The following DYNC1H1 variants were observed in gnomAD, a reference collection of about 807,000 sequenced individuals.
DYNC1H1 encodes cytoplasmic dynein 1 heavy chain 1.
A neutral mutation model predicts 527.1 loss-of-function variants in DYNC1H1; 51 were observed. That is an observed-to-expected ratio of 0.10 (90% CI 0.08 to 0.12). The LOEUF (loss-of-function observed/expected upper bound fraction) is 0.12, where lower values mean the gene tolerates loss of function less well. DYNC1H1 is among the 10% of genes least tolerant of loss of function. DYNC1H1 has a pLI of 1.00. For synonymous variants in DYNC1H1, 2,189 were observed against 2,278.8 expected (o/e 0.96, Z 1.12); for missense variants, 2,771 against 5,971.8 (o/e 0.46, Z 17.66).
rs995585686 is a variant in DYNC1H1 at position 102,019,949 on chromosome 14, T to A, written c.8400T>A (p.Thr2800=). 1 of 1,614,168 alleles carries A rather than the reference T, an allele frequency of 6.2e-7. No individual in the cohort carries two copies. The part of the protein sequence containing the change: ...PHYIYSPREM[T]RWVRGIFEAL... ...ATATCTATTCACCCCGTGAAATGAC[T>A]AGGTGGGTGAGAGGCATCTTTGAAG... is the stretch of plus-strand genomic sequence containing the variant. Residue 2800 remains threonine (T), a synonymous_variant, in exon 42 of 78, where the codon ACT becomes ACA. Coordinates refer to ENST00000360184, the MANE Select transcript of DYNC1H1 (RefSeq NM_001376.5).
At chr14:101,970,470 G>GTTTTTTTTTTTTTTTT (rs1324948272) in intron 1 of DYNC1H1, among the ~76,000 whole-genome samples, 1 of 96,276 alleles carries the variant, frequency 1.0e-5, no homozygotes, top group African/African-American at 4.8e-5. Flanking sequence ...TTGGTTTGTT[G>GTTTTTTTTTTTTTTTT]TTGTTTTTTT....
chr14:102,040,135 G>A, intron 62 of DYNC1H1, 101 bp from the exon 63 acceptor site: 1 of 1,518,304 alleles, frequency 6.6e-7, no homozygotes, highest in Non-Finnish European at 9.1e-7. Context: ...CTGAGCCACT[G>A]TGCCCGGCCT....
intron 11 of DYNC1H1, 30 bp from the exon 12 acceptor site, chr14:101,994,154 C>T: frequency 1.2e-6 from 2 of 1,614,104 alleles, no homozygotes; most frequent in Non-Finnish European, 1.7e-6. Flanking sequence ...ATATACACTG[C>T]TTGCATTCAT....
chr14:101,968,728 A>G (rs867271438), intron 1 of DYNC1H1, among the ~76,000 whole-genome samples: 59 of 148,710 alleles, frequency 4.0e-4, no homozygotes, highest in African/African-American at 1.0e-3. Context: ...CGCCTGGCTC[A>G]TTGTTGTATT....
chr14:102,048,077 G>A (rs773426034), intron 73 of DYNC1H1, 49 bp downstream of exon 73: 2 of 1,571,274 alleles, frequency 1.3e-6, no homozygotes, highest in Non-Finnish European at 1.7e-6. Context: ...CCCAGGTGCT[G>A]GGTATGGTCA....
chr14:102,017,503 A>G lies in DYNC1H1; in HGVS notation c.8176A>G (p.Arg2726Gly). ...CCCTGGAAGAAAGCCCCTCTCACACAGGTAAAACAGCTCGGTAGACTGCTC... is the reference window on the plus strand; with the variant it reads ...CCCTGGAAGAAAGCCCCTCTCACACGGGTAAAACAGCTCGGTAGACTGCTC... ...TDPGRKPLSH[R>G]FLRHVPVVYV... The change falls in exon 40 of 78, where the codon AGG (arginine) becomes GGG (glycine). Residue 2726 changes from arginine to glycine, a missense_variant and splice_region_variant. Physicochemically the swap from Arg to Gly is moderately radical, Grantham distance 125 (BLOSUM62 -2). This residue lies in a region of DYNC1H1 where 163 missense variants were observed against 346.9 expected (regional missense o/e 0.47). Transcript: ENST00000360184. This position sits in a 1 kb window ranked among gnomAD's most constrained non-coding sequence, Gnocchi z 4.6. 6.2e-7 allele frequency: 1 copy of G among 1,614,128 alleles called. No individual in the cohort carries two copies. Among genetic ancestry groups the G allele is most frequent in the Non-Finnish European group, 8.5e-7 (1 of 1,180,036 alleles).
intron 1 of DYNC1H1, among the ~76,000 whole-genome samples, chr14:101,974,931 C>T (rs939957618): frequency 6.6e-6 from 1 of 152,178 alleles, no homozygotes; most frequent in African/African-American, 2.4e-5. Flanking sequence ...GAGGAAGATA[C>T]ATTCATAAGT....
chr14:102,026,208 C>T (rs1235028543), intron 43 of DYNC1H1, among the ~76,000 whole-genome samples: 1 of 151,952 alleles, frequency 6.6e-6, no homozygotes, highest in African/African-American at 2.4e-5. Context: ...TGTCAGGTTG[C>T]ACCAGGACAA....
intron 1 of DYNC1H1, among the ~76,000 whole-genome samples, chr14:101,974,595 T>C (rs1033220736): frequency 1.9e-4 from 29 of 152,278 alleles, no homozygotes; most frequent in African/African-American, 6.5e-4. Flanking sequence ...TCTATTCTTA[T>C]ACTTTTTTTA....
intron 29 of DYNC1H1, among the ~76,000 whole-genome samples, chr14:102,008,894 C>T (rs1397536878): frequency 6.6e-6 from 1 of 152,212 alleles, no homozygotes; most frequent in Non-Finnish European, 1.5e-5. Context: ...CCTGAGCAGT[C>T]CTTCCTCAGC....
chr14:101,971,828 C>G (rs1595593996), intron 1 of DYNC1H1, among the ~76,000 whole-genome samples: 2 of 152,172 alleles, frequency 1.3e-5, no homozygotes, highest in African/African-American at 4.8e-5. Flanking sequence ...TAAAAGTATA[C>G]ACACGTTAGT....
rs1291269436 is a variant in DYNC1H1, at chr14:102,044,417, G to A, written c.12828G>A (p.Arg4276=). The change falls in exon 71 of 78, where the codon AGG becomes AGA. Residue 4276 remains arginine (R), a synonymous_variant. Coordinates refer to ENST00000360184, the MANE Select transcript of DYNC1H1 (RefSeq NM_001376.5). This position sits in a 1 kb window ranked among gnomAD's most constrained non-coding sequence, Gnocchi z 7.1. ...TCCTGGAGCGCCTGTTCACAACCAG[G>A]AGTTTCGACAGTGAGTTTAAGCTGG... ...NTFLERLFTT[R]SFDSEFKLAC... is the part of the protein sequence containing the mutation. The A allele has an allele frequency of 1.2e-6, 2 of 1,614,224 alleles. No individual in the cohort carries two copies. Among genetic ancestry groups the A allele is most frequent in the Admixed American group, 1.7e-5 (1 of 60,030 alleles).
chr14:101,975,910 CTT>C (rs375223030), intron 2 of DYNC1H1, 111 bp downstream of exon 2: 3,661 of 666,150 alleles, frequency 5.5e-3, no homozygotes, highest in East Asian at 8.1e-3. Flanking sequence ...TAATATAAAT[CTT>C]TTTTTTTTTT....
In DYNC1H1 at chr14:102,012,161, A is replaced by G. The variant is rs753482962; in HGVS notation, c.6857+48A>G. ...TTGTGTTCTCCTGGATATGGGCGCTAAGTACTTTGCTCTCACAAGAGCAGA... is the reference window on the plus strand; with the variant it reads ...TTGTGTTCTCCTGGATATGGGCGCTGAGTACTTTGCTCTCACAAGAGCAGA... On this transcript the variant is annotated intron_variant, in intron 33 of 77. Transcript: ENST00000360184. The surrounding 1 kb of genome is among the most constrained non-coding windows in gnomAD (Gnocchi z 4.9). The G allele has an allele frequency of 6.2e-7, 1 of 1,612,178 alleles. No individual in the cohort carries two copies. Among genetic ancestry groups the G allele is most frequent in the Non-Finnish European group, 8.5e-7 (1 of 1,178,288 alleles).
rs111618000 is a variant in DYNC1H1, at chr14:102,018,258, G to A, written c.8178-193G>A. ...GCTGGTTTTTCAAGTGTTTTCCATC[G>A]ACTGTTGTGTGTCAGACCCCAAGCC... On this transcript the variant is annotated intron_variant, in intron 40 of 77. Coordinates refer to ENST00000360184, the MANE Select transcript of DYNC1H1 (RefSeq NM_001376.5). This position sits in a 1 kb window ranked among gnomAD's most constrained non-coding sequence, Gnocchi z 5.2. 3.3e-5 allele frequency among the ~76,000 whole-genome samples: 5 copies of A among 152,266 alleles called. No homozygotes were observed. The highest frequency in any genetic ancestry group is 1.2e-4 in the African/African-American group (5 of 41,550).
chr14:101,975,625 G>A, intron 1 of DYNC1H1, 87 bp from the exon 2 acceptor site: 6 of 1,222,822 alleles, frequency 4.9e-6, no homozygotes, highest in South Asian at 3.7e-5. Context: ...GCTGGGAGTA[G>A]GGAGAAAATA....
rs74328761 is a variant in DYNC1H1 at position 101,968,125 on chromosome 14, C to T, written c.256+3178C>T. 2.5e-3 allele frequency among the ~76,000 whole-genome samples: 386 copies of T among 152,204 alleles called. 3 individuals carry two copies. The highest frequency in any genetic ancestry group is 8.7e-3 in the African/African-American group (361 of 41,514). On this transcript the variant is annotated intron_variant, in intron 1 of 77. Coordinates refer to ENST00000360184, the MANE Select transcript of DYNC1H1 (RefSeq NM_001376.5). ...CATTTTTTGGTTGTGTATCTCCGTTCGGTGGGGTATGCTTCAGTTTGCAGC... is the reference window on the plus strand; with the variant it reads ...CATTTTTTGGTTGTGTATCTCCGTTTGGTGGGGTATGCTTCAGTTTGCAGC...
At position 102,011,739 on chromosome 14, in the gene DYNC1H1, GA is replaced by G; in HGVS notation, c.6619-135del. The G allele has an allele frequency of 1.1e-6, 1 of 890,988 alleles. No homozygotes were observed. The highest frequency in any genetic ancestry group is 1.8e-6 in the Non-Finnish European group (1 of 562,562). The allele number at this position is 890,988 out of a possible 1,614,324, so 55.2% of individuals were successfully genotyped here. On this transcript the variant is annotated intron_variant, in intron 32 of 77. Transcript: ENST00000360184. The surrounding 1 kb of genome is among the most constrained non-coding windows in gnomAD (Gnocchi z 5.3). ...TGCATTCCAGTCTGGGTGACAGAGA[GA>G]GACTCCGTTTCAGGAAAAAAAAAAA...
Position 102,038,979 on chromosome 14 carries a change from C to G in DYNC1H1, c.11207-22C>G, listed in dbSNP as rs2048610354. ...ACCTTTTGAAGGATTATTGCAAACT[C>G]TGGATGTTTTATTCATTTAAGGGGA... On this transcript the variant is annotated intron_variant, in intron 59 of 77. Coordinates refer to ENST00000360184, the MANE Select transcript of DYNC1H1 (RefSeq NM_001376.5). The surrounding 1 kb of genome is among the most constrained non-coding windows in gnomAD (Gnocchi z 7.2). The G allele has an allele frequency of 1.9e-6, 3 of 1,613,960 alleles. No individual in the cohort carries two copies. The East Asian group carries it at 6.7e-5, about 36-fold the overall frequency.
Sources: gnomAD v4.1 joint callset for allele counts (sites outside exome capture counted in the v4.1 genomes callset) on GRCh38, gnomAD v4.1.1 for gene constraint, gnomAD v4.1.1 regional missense constraint, Gnocchi (gnomAD v3.1) non-coding constraint, MANE v1.5 for transcripts, NCBI Gene and HGNC (gene_info 2026-07-23, HGNC 2026-07-21) for gene names.